The following ATRX variants were observed in gnomAD, a reference collection of about 807,000 sequenced individuals.
The protein encoded by ATRX is ATRX chromatin remodeler.
Under a neutral mutation model 172.6 loss-of-function variants are expected in ATRX, and 12 were observed. The observed-to-expected ratio is 0.07, with a 90% CI of 0.04 to 0.11. ATRX has a LOEUF of 0.11. Among genes scored for constraint, ATRX ranks in the 10% least tolerant of loss-of-function variants. The pLI is 1.00. For missense variants in ATRX, 1,368 were observed against 1,767.4 expected (o/e 0.77, Z 4.05); for synonymous variants, 674 against 594.7 (o/e 1.13, Z -1.94).
At chrX:77,660,491 G>T (rs1245361326) in intron 12 of ATRX, among the ~76,000 whole-genome samples, 1 of 109,689 alleles carries the variant, frequency 9.1e-6, no homozygotes, top group Non-Finnish European at 1.9e-5. Flanking sequence ...CATGAACCCG[G>T]GAGGCAGAGC....
intron 1 of ATRX, among the ~76,000 whole-genome samples, chrX:77,771,095 C>T (rs2076136838): frequency 9.0e-6 from 1 of 111,433 alleles, no homozygotes; most frequent in African/African-American, 3.3e-5. Context: ...AAGCCTTTCT[C>T]GGCCGGGCGT....
chrX:77,732,504 A>C (rs1168619832), intron 1 of ATRX, among the ~76,000 whole-genome samples: 1 of 112,171 alleles, frequency 8.9e-6, no homozygotes, highest in Non-Finnish European at 1.9e-5. Flanking sequence ...TGACAGGCCA[A>C]TATCTCTGAT....
intron 30 of ATRX, among the ~76,000 whole-genome samples, chrX:77,552,330 G>C (rs782523460): frequency 1.5e-4 from 16 of 109,019 alleles, no homozygotes; most frequent in Non-Finnish European, 2.7e-4. Flanking sequence ...GATGAAGCTG[G>C]AAACCATCAT....
chrX:77,555,606 C>A (rs1452575707), intron 30 of ATRX, among the ~76,000 whole-genome samples: 2 of 110,609 alleles, frequency 1.8e-5, no homozygotes, highest in African/African-American at 6.6e-5. Flanking sequence ...AACACAAGAA[C>A]AGAAAACCAA....
chrX:77,671,186 A>G (rs2070587599), intron 10 of ATRX, among the ~76,000 whole-genome samples: 1 of 88,849 alleles, frequency 1.1e-5, no homozygotes, highest in Admixed American at 1.3e-4. Context: ...ATATATATAT[A>G]TATATATATA....
intron 27 of ATRX, among the ~76,000 whole-genome samples, chrX:77,583,617 A>G (rs1177508220): frequency 1.8e-5 from 2 of 111,920 alleles, no homozygotes; most frequent in Non-Finnish European, 3.8e-5. Flanking sequence ...AAAACACTAA[A>G]AAAACTAAGT....
At chrX:77,593,954 T>G in intron 25 of ATRX, 105 bp from the exon 26 acceptor site, 1 of 759,598 alleles carries the variant, frequency 1.3e-6, no homozygotes, top group Non-Finnish European at 2.0e-6. Context: ...AGAAAGAAAC[T>G]GATGGGGACT....
At chrX:77,600,599 T>C (rs782576883) in intron 22 of ATRX, 35 bp from the exon 23 acceptor site, 25 of 1,198,284 alleles carry the variant, frequency 2.1e-5, no homozygotes, top group Non-Finnish European at 2.6e-5. Flanking sequence ...GACACAAAAA[T>C]TGTCTATATC....
intron 12 of ATRX, among the ~76,000 whole-genome samples, chrX:77,659,524 C>CACACACAG (rs781808344): frequency 1.2e-3 from 116 of 98,333 alleles, no homozygotes; most frequent in Middle Eastern, 5.2e-3. Context: ...CACACACACA[C>CACACACAG]AGGCAGACAC....
chrX:77,551,299 G>A (rs782545270), intron 30 of ATRX, among the ~76,000 whole-genome samples: 69 of 111,060 alleles, frequency 6.2e-4, no homozygotes, highest in South Asian at 1.2e-3. Context: ...TAGAGCCCTC[G>A]GAAACAATAT....
intron 30 of ATRX, among the ~76,000 whole-genome samples, chrX:77,547,000 T>C (rs1181036713): frequency 8.9e-6 from 1 of 111,978 alleles, no homozygotes; most frequent in Non-Finnish European, 1.9e-5. Context: ...GTGATGAAGA[T>C]GCATTAATAT....
chrX:77,664,869 A>G (rs2148499950), intron 10 of ATRX, 91 bp from the exon 11 acceptor site: 1 of 854,886 alleles, frequency 1.2e-6, no homozygotes, highest in South Asian at 2.4e-5. Context: ...TTGAATCAAA[A>G]TAGAAATAAA....
rs1168913560 is a variant in ATRX at position 77,650,589 on chromosome X, A to AT, written c.4557+1524dup. On this transcript the variant is annotated intron_variant, in intron 15 of 34. Coordinates refer to ENST00000373344, the MANE Select transcript of ATRX (RefSeq NM_000489.6). Reference sequence around the variant, plus strand: ...GTTAAGACCCTGATTCAAACCAACTATTTTTTTTTTTTGAGACAGAGTTTT... The same window carrying AT: ...GTTAAGACCCTGATTCAAACCAACTATTTTTTTTTTTTTGAGACAGAGTTTT... Among the ~76,000 whole-genome samples the AT allele has an allele frequency of 9.5e-3, 998 of 104,772 alleles. 7 individuals are homozygous for AT. The highest frequency in any genetic ancestry group is 0.03 in the Middle Eastern group (6 of 202). The allele number at this position is 104,772 out of a possible 115,157, so 91.0% of individuals were successfully genotyped here.
intron 7 of ATRX, among the ~76,000 whole-genome samples, chrX:77,685,958 A>G (rs1401544586): frequency 2.7e-5 from 3 of 112,131 alleles, no homozygotes; most frequent in Non-Finnish European, 5.6e-5. Flanking sequence ...CAAACACTGC[A>G]TGTTGTCACT....
In ATRX at chrX:77,564,852, A is replaced by C. The variant is rs925928620; in HGVS notation, c.6327-6006T>G. On this transcript the variant is annotated intron_variant, in intron 28 of 34. Coordinates refer to ENST00000373344, the MANE Select transcript of ATRX (RefSeq NM_000489.6). ...TAGGATAACCACTCAATTCCAACCA[A>C]ACAGTACAGCAAAAAATGCAGCTGA... is the stretch of plus-strand genomic sequence containing the variant. 2.7e-5 allele frequency among the ~76,000 whole-genome samples: 3 copies of C among 111,591 alleles called. No individual in the cohort carries two copies. The Admixed American group carries it at 2.9e-4, about 11-fold the overall frequency.
intron 30 of ATRX, among the ~76,000 whole-genome samples, chrX:77,533,237 G>C (rs1354955761): frequency 8.9e-6 from 1 of 112,104 alleles, no homozygotes; most frequent in Non-Finnish European, 1.9e-5. Context: ...AAGACCTAGA[G>C]GCAGAAATAA....
chrX:77,783,063 C>T (rs995154424), intron 1 of ATRX, among the ~76,000 whole-genome samples: 14 of 110,410 alleles, frequency 1.3e-4, no homozygotes, highest in Non-Finnish European at 1.9e-4. Context: ...GTGAAACTCC[C>T]TCTCTACTAA....
At chrX:77,763,009 A>C (rs941168497) in intron 1 of ATRX, among the ~76,000 whole-genome samples, 9 of 111,389 alleles carry the variant, frequency 8.1e-5, no homozygotes, top group African/African-American at 2.9e-4. Flanking sequence ...TTATGTTTGG[A>C]AATTTAGTCT....
At position 77,558,700 on chromosome X, in the gene ATRX, T is replaced by C. The variant is rs2147947274; in HGVS notation, c.6473A>G (p.Lys2158Arg). Residue 2158 changes from lysine (K) to arginine (R), a missense_variant, in exon 29 of 35, where the codon AAG (lysine) becomes AGG (arginine). Physicochemically the swap from Lys to Arg is conservative, Grantham distance 26. This residue lies in a region of ATRX where 8 missense variants were observed against 78.0 expected (regional missense o/e 0.10). Coordinates refer to ENST00000373344, the MANE Select transcript of ATRX (RefSeq NM_000489.6). ...TAAGAACCTATATACATAAACAGGCTTAGTTTGTCCAAAGCGATAAACTCT... is the reference window on the plus strand; with the variant it reads ...TAAGAACCTATATACATAAACAGGCCTAGTTTGTCCAAAGCGATAAACTCT... ...IFRVYRFGQT[K>R]PVYVYRFLAQ... 8.3e-7 allele frequency: 1 copy of C among 1,205,559 alleles called. No homozygotes were observed. Among genetic ancestry groups the C allele is most frequent in the Non-Finnish European group, 1.1e-6 (1 of 890,461 alleles).
Sources: gnomAD v4.1 joint callset for allele counts (sites outside exome capture counted in the v4.1 genomes callset) on GRCh38, gnomAD v4.1.1 for gene constraint, gnomAD v4.1.1 regional missense constraint, MANE v1.5 for transcripts, NCBI Gene and HGNC (gene_info 2026-07-23, HGNC 2026-07-21) for gene names.